The following NUFIP2 variants were observed in gnomAD, a reference collection of about 807,000 sequenced individuals.
The protein encoded by NUFIP2 is FMR1-interacting protein NUFIP2.
A neutral mutation model predicts 56.9 loss-of-function variants in NUFIP2; 6 were observed. The observed-to-expected ratio is 0.11, with a 90% CI of 0.06 to 0.21. The LOEUF is 0.21. Ranked by LOEUF, NUFIP2 falls within the 10% of genes least tolerant of loss-of-function variation. The probability of loss-of-function intolerance (pLI) is 1.00; values close to 1 mark genes in which losing one functional copy is unlikely to be tolerated. For missense variants in NUFIP2, 828 were observed against 826.8 expected, an observed-to-expected ratio of 1.00 and a Z score of -0.02; for synonymous variants, 321 against 298.2, an observed-to-expected ratio of 1.08 and a Z score of -0.79.
intron 2 of NUFIP2, among the ~76,000 whole-genome samples, chr17:29,281,890 A>G (rs59885352): frequency 1.3e-5 from 2 of 150,978 alleles, no homozygotes; most frequent in Non-Finnish European, 3.0e-5. Flanking sequence ...TCAGCCTCCC[A>G]AGTAGCTGGG....
chr17:29,290,357 T>C (rs995972390), intron 1 of NUFIP2, among the ~76,000 whole-genome samples: 8 of 151,986 alleles, frequency 5.3e-5, no homozygotes, highest in Non-Finnish European at 8.8e-5. Flanking sequence ...TTCTAAAAGC[T>C]TTTTTCCTCA....
chr17:29,286,467 T>C lies in NUFIP2; in HGVS notation c.1527A>G (p.Leu509=), dbSNP rs780639218. The C allele has an allele frequency of 6.2e-7, 1 of 1,614,112 alleles. No individual in the cohort carries two copies. The highest frequency in any genetic ancestry group is 1.3e-5 in the African/African-American group (1 of 74,930). ...LGDIFQNQWG[L]SFINEPSAGP... The stretch of plus-strand genomic sequence containing the variant: ...CAGCACTGGGCTCATTTATAAATGA[T>C]AAACCCCACTGATTCTGGAAGATAT... The change falls in exon 2 of 4, where the codon TTA becomes TTG. Residue 509 remains leucine (L), a synonymous_variant. Transcript: ENST00000225388.
intron 3 of NUFIP2, 150 bp from the exon 4 acceptor site, chr17:29,264,741 T>G: frequency 1.8e-6 from 1 of 541,514 alleles, no homozygotes. Context: ...TACCAACACA[T>G]GTATGATCCA....
At position 29,259,841 on chromosome 17, in the gene NUFIP2, A is replaced by G. The variant is rs542705697; in HGVS notation, c.*4698T>C. The G allele has an allele frequency of 7.6e-4, 116 of 152,292 alleles. No individual in the cohort carries two copies. Among genetic ancestry groups the G allele is most frequent in the Middle Eastern group, 3.4e-3 (1 of 294 alleles). The allele number at this position is 152,292 out of a possible 1,614,324, so 9.4% of individuals were successfully genotyped here. On this transcript the variant is annotated 3_prime_UTR_variant, in exon 4 of 4. Transcript: ENST00000225388. The stretch of plus-strand genomic sequence containing the variant: ...TTCGCACTATTGCTGGCATCCTTTA[A>G]CTACTTTAAGACCTTTCTTGAGCGG...
At chr17:29,292,977 G>A (rs1043392738) in intron 1 of NUFIP2, among the ~76,000 whole-genome samples, 11 of 147,986 alleles carry the variant, frequency 7.4e-5, no homozygotes, top group Admixed American at 6.7e-4. Flanking sequence ...ACCCGGCTCC[G>A]CCGCCCCGTG....
chr17:29,276,939 G>A (rs966409766), intron 2 of NUFIP2, among the ~76,000 whole-genome samples: 1 of 152,098 alleles, frequency 6.6e-6, no homozygotes, highest in Admixed American at 6.6e-5. Context: ...ATCCCTCAAG[G>A]AAAAAGACTG....
chr17:29,267,644 G>A, intron 2 of NUFIP2, 114 bp from the exon 3 acceptor site: 1 of 591,316 alleles, frequency 1.7e-6, no homozygotes, highest in South Asian at 2.1e-5. Flanking sequence ...CTGGAGGTAG[G>A]GTTGAAAATG....
chr17:29,283,063 C>T (rs886614058), intron 2 of NUFIP2, among the ~76,000 whole-genome samples: 4 of 152,120 alleles, frequency 2.6e-5, no homozygotes, highest in Non-Finnish European at 2.9e-5. Context: ...TGATTAATTT[C>T]CAATCATGTC....
chr17:29,286,261 C>T lies in NUFIP2; in HGVS notation c.1733G>A (p.Ser578Asn). The T allele has an allele frequency of 6.2e-7, 1 of 1,614,180 alleles. No individual in the cohort carries two copies. The highest frequency in any genetic ancestry group is 8.5e-7 in the Non-Finnish European group (1 of 1,180,040). Residue 578 changes from serine to asparagine, a missense_variant, in exon 2 of 4, where the codon AGC (serine) becomes AAC (asparagine). By Grantham distance (46) the Ser-to-Asn change is conservative. Coordinates refer to ENST00000225388, the MANE Select transcript of NUFIP2 (RefSeq NM_020772.3). Reference protein sequence around the residue: ...EKRTSPQVLGSILKSGTTSES... With the variant: ...EKRTSPQVLGNILKSGTTSES... Reference sequence around the variant, plus strand: ...ACTAGTAGTCCCAGATTTTAGAATGCTACCCAGAACTTGAGGACTAGTCCG... The same window carrying T: ...ACTAGTAGTCCCAGATTTTAGAATGTTACCCAGAACTTGAGGACTAGTCCG...
intron 1 of NUFIP2, among the ~76,000 whole-genome samples, chr17:29,291,146 T>C (rs2153012962): frequency 6.6e-6 from 1 of 152,062 alleles, no homozygotes; most frequent in Admixed American, 6.6e-5. Context: ...TCTTTTTAAA[T>C]AGTAGATATT....
At position 29,274,475 on chromosome 17, in the gene NUFIP2, T is replaced by TA. The variant is rs532594461; in HGVS notation, c.2003-6946dup. 5.8e-4 allele frequency among the ~76,000 whole-genome samples: 88 copies of TA among 152,222 alleles called. 1 individual carries two copies. The South Asian group carries it at 0.017, about 29-fold the overall frequency. The stretch of plus-strand genomic sequence containing the variant: ...GCAATAAAGTGAGACAACCGTGTCT[T>TA]AAAAAACAACAAAAAAAGTTTTAAT... On this transcript the variant is annotated intron_variant, in intron 2 of 3. Coordinates refer to ENST00000225388, the MANE Select transcript of NUFIP2 (RefSeq NM_020772.3).
chr17:29,280,191 T>C (rs1279699031), intron 2 of NUFIP2, among the ~76,000 whole-genome samples: 1 of 152,232 alleles, frequency 6.6e-6, no homozygotes, highest in Non-Finnish European at 1.5e-5. Context: ...ATAACAGCCA[T>C]GTAAGACAGA....
rs1223945634 is a variant in NUFIP2, at chr17:29,258,242, T to C, written c.*6297A>G. On this transcript the variant is annotated 3_prime_UTR_variant, in exon 4 of 4. Transcript: ENST00000225388. ...TCATTCCTCCACCTCATTTGGTGTT[T>C]CCCACCCATTATTTTGGGTTCAATC... 6.6e-6 allele frequency: 1 copy of C among 152,212 alleles called. No homozygotes were observed. Among genetic ancestry groups the C allele is most frequent in the African/African-American group, 2.4e-5 (1 of 41,460 alleles). The allele number at this position is 152,212 out of a possible 1,614,324, so 9.4% of individuals were successfully genotyped here.
intron 2 of NUFIP2, among the ~76,000 whole-genome samples, chr17:29,269,792 C>T (rs1261248165): frequency 6.6e-6 from 1 of 152,086 alleles, no homozygotes; most frequent in East Asian, 1.9e-4. Flanking sequence ...GCGATCTCAG[C>T]TCACTGCAAG....
chr17:29,275,675 T>C (rs1363987017), intron 2 of NUFIP2, among the ~76,000 whole-genome samples: 1 of 152,278 alleles, frequency 6.6e-6, no homozygotes, highest in East Asian at 1.9e-4. Flanking sequence ...CCTTTGCCAT[T>C]ACTCAGGCCT....
chr17:29,293,413 G>A (rs369667536), intron 1 of NUFIP2, among the ~76,000 whole-genome samples: 672 of 152,112 alleles, frequency 4.4e-3, no homozygotes, highest in African/African-American at 1.0e-2. Flanking sequence ...GGATTTTTTG[G>A]GGGGGTAGGT....
intron 1 of NUFIP2, among the ~76,000 whole-genome samples, chr17:29,293,208 G>T (rs2069229248): frequency 6.6e-6 from 1 of 151,588 alleles, no homozygotes; most frequent in Non-Finnish European, 1.5e-5. Flanking sequence ...TGGTGGAAAT[G>T]ACCCGTGAGA....
At chr17:29,267,391 A>T in intron 3 of NUFIP2, 107 bp downstream of exon 3, 2 of 653,758 alleles carry the variant, frequency 3.1e-6, no homozygotes, top group Non-Finnish European at 5.3e-6. Flanking sequence ...AATAACTCAA[A>T]ATACAAAGTC....
chr17:29,270,409 AG>A (rs1483791192), intron 2 of NUFIP2, among the ~76,000 whole-genome samples: 1 of 151,826 alleles, frequency 6.6e-6, no homozygotes, highest in Admixed American at 6.6e-5. Flanking sequence ...TTATTCCATT[AG>A]TTTCAAACAA....
Sources: gnomAD v4.1 joint callset for allele counts (sites outside exome capture counted in the v4.1 genomes callset) on GRCh38, gnomAD v4.1.1 for gene constraint, MANE v1.5 for transcripts, NCBI Gene and HGNC (gene_info 2026-07-23, HGNC 2026-07-21) for gene names.